PCDHGA10: variants seen among roughly 807,000 people sequenced by gnomAD.
PCDHGA10 encodes the protein protocadherin gamma subfamily A, 10.
In PCDHGA10, 42 loss-of-function variants were observed where a neutral mutation model predicts 59.5. The ratio of observed to expected loss-of-function variants is 0.71; its 90% confidence interval spans 0.55 to 0.91. PCDHGA10 has a LOEUF of 0.91. PCDHGA10 is among the 40% of genes least tolerant of loss of function. The pLI, the probability that PCDHGA10 is intolerant of heterozygous loss-of-function variation, is 0.00. For synonymous variants in PCDHGA10, 511 were observed against 517.2 expected, an observed-to-expected ratio of 0.99 and a Z score of 0.16; for missense variants, 1,111 against 1,198.2, an observed-to-expected ratio of 0.93 and a Z score of 1.07.
intron 1 of PCDHGA10, among the ~76,000 whole-genome samples, chr5:141,448,728 C>T (rs575604763): frequency 6.6e-6 from 1 of 151,986 alleles, no homozygotes; most frequent in Non-Finnish European, 1.5e-5. Context: ...ATCACGAGGT[C>T]AGGAGATCGA....
chr5:141,506,544 G>GT (rs2099854759), intron 3 of PCDHGA10, among the ~76,000 whole-genome samples: 1 of 151,880 alleles, frequency 6.6e-6, no homozygotes, highest in Non-Finnish European at 1.5e-5. Flanking sequence ...GAGTCCTTAG[G>GT]TAAGTTATTA....
intron 1 of PCDHGA10, among the ~76,000 whole-genome samples, chr5:141,433,847 A>C (rs979302028): frequency 6.6e-6 from 1 of 151,976 alleles, no homozygotes; most frequent in South Asian, 2.1e-4. Context: ...CAAAAAAAAA[A>C]AAAAAAAACT....
intron 1 of PCDHGA10, among the ~76,000 whole-genome samples, chr5:141,446,182 G>A (rs1411996595): frequency 6.6e-6 from 1 of 152,118 alleles, no homozygotes; most frequent in African/African-American, 2.4e-5. Flanking sequence ...GGGGTGTTTT[G>A]TTTATTATTA....
chr5:141,419,276 C>G (rs1361651445), intron 1 of PCDHGA10: 1 of 1,613,920 alleles, frequency 6.2e-7, no homozygotes, highest in African/African-American at 1.3e-5. Flanking sequence ...CTCCATAGCG[C>G]AAGTCAGTGC....
chr5:141,430,837 C>T (rs1350348914), intron 1 of PCDHGA10: 4 of 1,559,956 alleles, frequency 2.6e-6, no homozygotes, highest in South Asian at 2.5e-5. Context: ...TGTGGGAGAC[C>T]GGATGCACCC....
chr5:141,420,187 CA>C (rs779974762), intron 1 of PCDHGA10: 25 of 1,613,706 alleles, frequency 1.5e-5, no homozygotes, highest in Non-Finnish European at 2.1e-5. Flanking sequence ...ATTGTCCAGC[CA>C]CACAAGATAA....
chr5:141,451,716 T>C (rs947058540), intron 1 of PCDHGA10, among the ~76,000 whole-genome samples: 1 of 152,092 alleles, frequency 6.6e-6, no homozygotes, highest in Non-Finnish European at 1.5e-5. Context: ...ACCCTGCCTC[T>C]ACTAAAAATA....
At chr5:141,494,190 G>GAGAA (rs2099752701) in intron 1 of PCDHGA10, among the ~76,000 whole-genome samples, 1 of 152,186 alleles carries the variant, frequency 6.6e-6, no homozygotes, top group Non-Finnish European at 1.5e-5. Flanking sequence ...CCCGGGACTT[G>GAGAA]GATGCCCCGC....
Position 141,422,925 on chromosome 5 carries a change from T to C in PCDHGA10, c.2436+7314T>C, listed in dbSNP as rs568894245. ...ACAATGCGCCCGAGATCCTGTACCC[T>C]GCCCTCCCCACAGACGGCTCCACTG... On this transcript the variant is annotated intron_variant, in intron 1 of 3. Transcript: ENST00000398610. 1.4e-4 allele frequency: 220 copies of C among 1,614,202 alleles called. 2 individuals are homozygous for C. The South Asian group carries it at 2.2e-3, about 16-fold the overall frequency.
At chr5:141,456,968 AAAAC>A (rs202005606) in intron 1 of PCDHGA10, among the ~76,000 whole-genome samples, 2,421 of 152,270 alleles carry the variant, frequency 0.016, 37 homozygotes, top group Non-Finnish European at 0.025. Context: ...ATCTCAAAAC[AAAAC>A]AAACAAACAA....
chr5:141,441,838 C>T, intron 1 of PCDHGA10: 4 of 355,582 alleles, frequency 1.1e-5, no homozygotes, highest in South Asian at 9.6e-5. Flanking sequence ...TGGCTTCGCG[C>T]TCTTGGATAT....
At chr5:141,445,300 TCA>T (rs1443961962) in intron 1 of PCDHGA10, among the ~76,000 whole-genome samples, 1 of 152,202 alleles carries the variant, frequency 6.6e-6, no homozygotes, top group Non-Finnish European at 1.5e-5. Flanking sequence ...TCCATTCTCT[TCA>T]GTTTGTAGGT....
intron 1 of PCDHGA10, among the ~76,000 whole-genome samples, chr5:141,461,819 A>G (rs573339238): frequency 1.3e-5 from 2 of 149,282 alleles, no homozygotes; most frequent in African/African-American, 2.5e-5. Flanking sequence ...ACACCCAGCT[A>G]ATTTTTTTTT....
At chr5:141,473,369 G>T (rs888984972) in intron 1 of PCDHGA10, among the ~76,000 whole-genome samples, 1 of 152,200 alleles carries the variant, frequency 6.6e-6, no homozygotes, top group Non-Finnish European at 1.5e-5. Flanking sequence ...CACCAAAATA[G>T]CATGGTCCCT....
chr5:141,422,492 C>G (rs747903569), intron 1 of PCDHGA10: 10 of 1,613,934 alleles, frequency 6.2e-6, no homozygotes, highest in Non-Finnish European at 8.5e-6. Flanking sequence ...TACAATATAA[C>G]GTTGACAGCC....
intron 1 of PCDHGA10, among the ~76,000 whole-genome samples, chr5:141,459,575 G>T (rs2098970751): frequency 1.3e-5 from 2 of 152,132 alleles, no homozygotes; most frequent in Admixed American, 6.5e-5. Context: ...AAACAGAATT[G>T]TTTTGGGGGT....
intron 1 of PCDHGA10, among the ~76,000 whole-genome samples, chr5:141,453,490 G>A (rs921556476): frequency 6.6e-6 from 1 of 151,922 alleles, no homozygotes; most frequent in Admixed American, 6.6e-5. Flanking sequence ...TTAAAAAAAG[G>A]TGTACTCAGA....
chr5:141,449,588 C>CAAA (rs768743917), intron 1 of PCDHGA10, among the ~76,000 whole-genome samples: 1 of 57,476 alleles, frequency 1.7e-5, no homozygotes, highest in East Asian at 5.2e-4. Context: ...GACTCTGTCT[C>CAAA]AAAAAAAAAA....
chr5:141,489,093 A>T lies in PCDHGA10; in HGVS notation c.2437-5714A>T. ...GCCCACCCCCGCCACTCGGTGACTA[A>T]GAACTGCTGCAAGCAGGCAAACCTC... is the stretch of plus-strand genomic sequence containing the variant. On this transcript the variant is annotated intron_variant, in intron 1 of 3. Coordinates refer to ENST00000398610, the MANE Select transcript of PCDHGA10 (RefSeq NM_018913.3). This position sits in a 1 kb window ranked among gnomAD's most constrained non-coding sequence, Gnocchi z 4.5. 2.1e-6 allele frequency: 1 copy of T among 477,272 alleles called. No individual in the cohort carries two copies. Among genetic ancestry groups the T allele is most frequent in the Non-Finnish European group, 3.6e-6 (1 of 276,700 alleles). The allele number at this position is 477,272 out of a possible 1,614,324, so 29.6% of individuals were successfully genotyped here.
Sources: allele counts gnomAD v4.1 joint callset (sites outside exome capture counted in the v4.1 genomes callset), GRCh38; gene constraint gnomAD v4.1.1; non-coding constraint Gnocchi (gnomAD v3.1); transcripts MANE v1.5; gene names NCBI Gene and HGNC (gene_info 2026-07-23, HGNC 2026-07-21).